The following ARHGAP10 variants were observed in gnomAD, a reference collection of about 807,000 sequenced individuals.
The protein encoded by ARHGAP10 is Rho GTPase activating protein 10.
In ARHGAP10, 87 loss-of-function variants were observed where a neutral mutation model predicts 108.6. The observed-to-expected ratio is 0.80, with a 90% confidence interval of 0.67 to 0.96. ARHGAP10 has a LOEUF of 0.96. Ranked by LOEUF, ARHGAP10 falls within the 40% of genes least tolerant of loss-of-function variation. The pLI is 0.00. For missense variants in ARHGAP10, 939 were observed against 954.5 expected, an observed-to-expected ratio of 0.98 and a Z score of 0.21; for synonymous variants, 347 against 341.1, an observed-to-expected ratio of 1.02 and a Z score of -0.19.
chr4:148,006,819 C>A (rs917376201), intron 18 of ARHGAP10, among the ~76,000 whole-genome samples: 2 of 152,176 alleles, frequency 1.3e-5, no homozygotes, highest in Non-Finnish European at 2.9e-5. Context: ...TATTGTCTCA[C>A]CCTATCAACA....
Position 147,775,556 on chromosome 4 carries a change from G to A in ARHGAP10, c.154+43101G>A, listed in dbSNP as rs548024360. On this transcript the variant is annotated intron_variant, in intron 1 of 22. Transcript: ENST00000336498. ...TTGTAGCCTGGCCTGGTAGGAGAAA[G>A]GTGATTATTGTCAGTACCCCTGGTC... Among the ~76,000 whole-genome samples, 10 of 152,296 alleles carry A rather than the reference G, an allele frequency of 6.6e-5. No homozygotes were observed. In the South Asian group the frequency reaches 1.7e-3, roughly 25 times the overall value.
chr4:147,732,137 G>C lies in ARHGAP10; in HGVS notation c.-165G>C. 2.0e-6 allele frequency: 1 copy of C among 505,040 alleles called. No individual in the cohort carries two copies. 31.3% of individuals were successfully genotyped at this position (505,040 alleles called of 1,614,324 possible). A position where few individuals can be genotyped will look rare whatever the true frequency, so the allele number is the denominator to read the frequency against. On this transcript the variant is annotated 5_prime_UTR_variant, in exon 1 of 23. Transcript: ENST00000336498. Reference sequence around the variant, plus strand: ...TCGGTGGCAGCTCCTCCGCGCCGCAGGACTCGGCTCTACGGGACATGTCCG... The same window carrying C: ...TCGGTGGCAGCTCCTCCGCGCCGCACGACTCGGCTCTACGGGACATGTCCG...
intron 18 of ARHGAP10, among the ~76,000 whole-genome samples, chr4:147,991,961 G>T (rs978119708): frequency 6.6e-6 from 1 of 152,174 alleles, no homozygotes; most frequent in East Asian, 1.9e-4. Flanking sequence ...GGTGAAGTGC[G>T]AATTGTCAGC....
intron 1 of ARHGAP10, among the ~76,000 whole-genome samples, chr4:147,773,475 G>A (rs2126721037): frequency 6.6e-6 from 1 of 152,292 alleles, no homozygotes; most frequent in South Asian, 2.1e-4. Context: ...GCTGCCCAGA[G>A]ACAGCTTGGG....
At position 148,072,080 on chromosome 4, in the gene ARHGAP10, A is replaced by G. The variant is rs754529057; in HGVS notation, c.2360A>G (p.Ter787TrpextTer87). The stretch of plus-strand genomic sequence containing the variant: ...CCACAGAACTACGTCAAGCTGCTGT[A>G]GCTCCTGGCCTCAGAGCCCCTGCTG... ...LIPQNYVKLL* is the reference protein window; with the variant it reads ...LIPQNYVKLLW Residue 787 changes from the stop codon to tryptophan, a stop_lost, in exon 23 of 23, where the codon TAG becomes TGG. Transcript: ENST00000336498. 6.2e-7 allele frequency: 1 copy of G among 1,612,054 alleles called. No individual in the cohort carries two copies. Among genetic ancestry groups the G allele is most frequent in the Non-Finnish European group, 8.5e-7 (1 of 1,179,298 alleles).
At chr4:147,880,321 C>T (rs1735273161) in intron 9 of ARHGAP10, among the ~76,000 whole-genome samples, 1 of 152,134 alleles carries the variant, frequency 6.6e-6, no homozygotes, top group Admixed American at 6.5e-5. Context: ...TTGTACTATG[C>T]CTTTCCCTGA....
intron 1 of ARHGAP10, among the ~76,000 whole-genome samples, chr4:147,777,190 G>T (rs1267346507): frequency 1.3e-5 from 2 of 151,898 alleles, no homozygotes; most frequent in African/African-American, 4.8e-5. Context: ...TAGGAAATTT[G>T]GTTTTCTGTC....
intron 1 of ARHGAP10, among the ~76,000 whole-genome samples, chr4:147,780,038 A>G (rs899302612): frequency 6.6e-6 from 1 of 152,166 alleles, no homozygotes; most frequent in African/African-American, 2.4e-5. Context: ...GAAGTTACTA[A>G]TTTCTAATTA....
At chr4:148,009,795 G>A (rs994035410) in intron 18 of ARHGAP10, among the ~76,000 whole-genome samples, 1 of 152,076 alleles carries the variant, frequency 6.6e-6, no homozygotes, top group African/African-American at 2.4e-5. Flanking sequence ...AATTTTTGTT[G>A]CAGTTAGGAA....
At chr4:147,900,641 C>A (rs1736199186) in intron 10 of ARHGAP10, among the ~76,000 whole-genome samples, 1 of 152,128 alleles carries the variant, frequency 6.6e-6, no homozygotes, top group Non-Finnish European at 1.5e-5. Context: ...GTGTTCTCAG[C>A]TGAACCAGTA....
At chr4:147,773,259 T>C (rs1404600253) in intron 1 of ARHGAP10, among the ~76,000 whole-genome samples, 2 of 152,208 alleles carry the variant, frequency 1.3e-5, no homozygotes, top group Non-Finnish European at 2.9e-5. Flanking sequence ...GTATATATTA[T>C]CATGTCTTCT....
Position 147,862,505 on chromosome 4 carries a change from T to C in ARHGAP10, c.487-2341T>C, listed in dbSNP as rs117056209. On this transcript the variant is annotated intron_variant, in intron 5 of 22. Coordinates refer to ENST00000336498, the MANE Select transcript of ARHGAP10 (RefSeq NM_024605.4). ...TCTGGCCCCCGCGGGCACCATGGAG[T>C]GCGCAGCCCTGGCTGCACTTTGCCC... The C allele has an allele frequency of 7.1e-3, 1,084 of 152,494 alleles. 39 individuals are homozygous for C. The East Asian group carries it at 0.11, about 15-fold the overall frequency. 9.4% of individuals were successfully genotyped at this position (152,494 alleles called of 1,614,324 possible).
At chr4:147,802,114 ACT>A (rs1731608006) in intron 1 of ARHGAP10, among the ~76,000 whole-genome samples, 1 of 151,886 alleles carries the variant, frequency 6.6e-6, no homozygotes, top group Admixed American at 6.6e-5. Context: ...GGATGGACTG[ACT>A]CTGTTTTTCT....
chr4:148,066,972 G>A (rs187490798), intron 22 of ARHGAP10, among the ~76,000 whole-genome samples: 40 of 152,340 alleles, frequency 2.6e-4, no homozygotes, highest in African/African-American at 9.4e-4. Flanking sequence ...TGTGCTCTGC[G>A]GTGCTGGTAT....
intron 3 of ARHGAP10, among the ~76,000 whole-genome samples, chr4:147,842,241 A>C (rs1733443337): frequency 1.3e-5 from 2 of 151,762 alleles, no homozygotes. Context: ...TGGCCGTGAA[A>C]CCCTTATATT....
intron 1 of ARHGAP10, among the ~76,000 whole-genome samples, chr4:147,755,422 C>A (rs1001262845): frequency 2.0e-5 from 3 of 152,216 alleles, no homozygotes; most frequent in East Asian, 3.9e-4. Flanking sequence ...ACTCGGGAGG[C>A]TGAGGCAGGA....
In ARHGAP10 at chr4:148,063,017, A is replaced by G. The variant is rs1297316040; in HGVS notation, c.2028-131A>G. ...GCTGCAGCCCCGGCAGGATGCAGAGAGGACTCTGTCCCTACTGGTCAGGCA... is the reference window on the plus strand; with the variant it reads ...GCTGCAGCCCCGGCAGGATGCAGAGGGGACTCTGTCCCTACTGGTCAGGCA... On this transcript the variant is annotated intron_variant, in intron 20 of 22. Coordinates refer to ENST00000336498, the MANE Select transcript of ARHGAP10 (RefSeq NM_024605.4). The G allele has an allele frequency of 2.7e-6, 3 of 1,130,144 alleles. No homozygotes were observed. The African/African-American group carries it at 4.6e-5, about 18-fold the overall frequency. The allele number at this position is 1,130,144 out of a possible 1,614,324, so 70.0% of individuals were successfully genotyped here.
At chr4:147,769,303 ATGT>A (rs1255115457) in intron 1 of ARHGAP10, among the ~76,000 whole-genome samples, 3 of 152,158 alleles carry the variant, frequency 2.0e-5, no homozygotes, top group Non-Finnish European at 2.9e-5. Flanking sequence ...TACTCAGTAA[ATGT>A]TGTTGAGGAA....
At position 147,864,906 on chromosome 4, in the gene ARHGAP10, T is replaced by TGTAA. The variant is rs1217880293; in HGVS notation, c.549_552dup (p.Leu185Ter). ...CTATGAACTGTCTCTCGAGTATGTG[T>TGTAA]GTAAGCTGCAGGAAATCCAAGAAAG... On this transcript the variant is annotated frameshift_variant, in exon 6 of 23. Transcript: ENST00000336498. LOFTEE classifies it high-confidence loss of function. 3 of 1,614,020 alleles carry TGTAA rather than the reference T, an allele frequency of 1.9e-6. No homozygotes were observed. The African/African-American group carries it at 4.0e-5, about 22-fold the overall frequency.
Sources: allele counts gnomAD v4.1 joint callset (sites outside exome capture counted in the v4.1 genomes callset), GRCh38; gene constraint gnomAD v4.1.1; transcripts MANE v1.5; gene names NCBI Gene and HGNC (gene_info 2026-07-23, HGNC 2026-07-21).